TTC12: variants seen among roughly 807,000 people sequenced by gnomAD.
TTC12 encodes the protein tetratricopeptide repeat protein 12.
Under a neutral mutation model 90.1 loss-of-function variants are expected in TTC12, and 70 were observed. The ratio of observed to expected loss-of-function variants is 0.78; its 90% CI spans 0.64 to 0.95. The LOEUF (loss-of-function observed/expected upper bound fraction) is 0.95, where lower values mean the gene tolerates loss of function less well. TTC12 is among the 40% of genes least tolerant of loss of function. The pLI, the probability that TTC12 is intolerant of heterozygous loss-of-function variation, is 0.00. For synonymous variants in TTC12, 296 were observed against 311.5 expected (o/e 0.95, Z 0.53); for missense variants, 819 against 846.1 (o/e 0.97, Z 0.40).
At chr11:113,350,040 A>G in intron 13 of TTC12, 33 bp from the exon 14 acceptor site, 1 of 1,551,850 alleles carries the variant, frequency 6.4e-7, no homozygotes, top group Non-Finnish European at 8.9e-7. Flanking sequence ...GTTGGAGGAC[A>G]GCTACCTCTG....
In TTC12 at chr11:113,339,443, G is replaced by A. The variant is rs782759972; in HGVS notation, c.795G>A (p.Gly265=). 2.5e-6 allele frequency: 4 copies of A among 1,611,116 alleles called. No homozygotes were observed. The highest frequency in any genetic ancestry group is 2.5e-6 in the Non-Finnish European group (3 of 1,178,960). Residue 265 remains glycine, a synonymous_variant, in exon 10 of 22, where the codon GGG becomes GGA. Coordinates refer to ENST00000529221, the MANE Select transcript of TTC12 (RefSeq NM_017868.4). ...AGATCCCCTTGTTCTATGCTGGGGG[G>A]ATTGAGATCCTGACTGAAATGATAA... ...PDQIPLFYAG[G]IEILTEMINE...
intron 16 of TTC12, among the ~76,000 whole-genome samples, chr11:113,354,949 A>G (rs1949538143): frequency 6.6e-6 from 1 of 152,120 alleles, no homozygotes; most frequent in Non-Finnish European, 1.5e-5. Context: ...CAGGTTTGGG[A>G]ATCAGGATGA....
chr11:113,322,907 T>G (rs1174365467), intron 2 of TTC12, among the ~76,000 whole-genome samples: 2 of 152,166 alleles, frequency 1.3e-5, no homozygotes, highest in Non-Finnish European at 2.9e-5. Flanking sequence ...CTGCCTGTAC[T>G]TACATGTTTG....
intron 7 of TTC12, among the ~76,000 whole-genome samples, chr11:113,331,980 G>A (rs574839737): frequency 1.8e-4 from 28 of 152,314 alleles, no homozygotes; most frequent in African/African-American, 6.0e-4. Context: ...TAAAATTAAT[G>A]TATCAATAGT....
chr11:113,330,833 T>C (rs1181602715), intron 7 of TTC12, among the ~76,000 whole-genome samples: 1 of 152,212 alleles, frequency 6.6e-6, no homozygotes. Flanking sequence ...ATAAAACTTA[T>C]CTTTGTTTTG....
chr11:113,338,904 T>C, intron 9 of TTC12, 70 bp downstream of exon 9: 1 of 1,422,086 alleles, frequency 7.0e-7, no homozygotes, highest in African/African-American at 1.4e-5. Context: ...TAGAATGCCT[T>C]CCGTGCTTTC....
At chr11:113,354,371 T>G (rs1487673450) in intron 16 of TTC12, among the ~76,000 whole-genome samples, 1 of 152,194 alleles carries the variant, frequency 6.6e-6, no homozygotes, top group African/African-American at 2.4e-5. Flanking sequence ...GCCAAGACTG[T>G]GATTTTTTCT....
intron 13 of TTC12, among the ~76,000 whole-genome samples, chr11:113,346,004 G>C (rs531108539): frequency 5.9e-5 from 9 of 152,156 alleles, no homozygotes; most frequent in East Asian, 1.9e-4. Context: ...ATCTCCAGTT[G>C]AACCAGACAG....
rs750337820 is a variant in TTC12 at position 113,363,850 on chromosome 11, G to A, written c.1739G>A (p.Arg580His). The stretch of plus-strand genomic sequence containing the variant: ...TAGACAGGAGGTGAGACTGCATCAC[G>A]TTATGCTATAAAGATACTAGCTATC... ...FLKTGGETASRYAIKILAICT... is the reference protein window; with the variant it reads ...FLKTGGETASHYAIKILAICT... The change falls in exon 20 of 22, where the codon CGT becomes CAT. Residue 580 changes from arginine (R) to histidine (H), a missense_variant. Arg to His is a conservative substitution (Grantham distance 29). Transcript: ENST00000529221. The A allele has an allele frequency of 2.5e-6, 4 of 1,612,860 alleles. No individual in the cohort carries two copies. The highest frequency in any genetic ancestry group is 3.4e-6 in the Non-Finnish European group (4 of 1,179,006).
chr11:113,318,088 G>C (rs1470367719), intron 2 of TTC12, among the ~76,000 whole-genome samples: 1 of 152,198 alleles, frequency 6.6e-6, no homozygotes, highest in African/African-American at 2.4e-5. Context: ...TATAGATTCT[G>C]TACATTTACT....
At position 113,325,645 on chromosome 11, in the gene TTC12, G is replaced by C; in HGVS notation, c.444G>C (p.Gln148His). The change falls in exon 6 of 22, where the codon CAG becomes CAC. Residue 148 changes from glutamine (Q) to histidine (H), a missense_variant and splice_region_variant. Physicochemically the swap from Gln to His is conservative, Grantham distance 24 (BLOSUM62 0). Coordinates refer to ENST00000529221, the MANE Select transcript of TTC12 (RefSeq NM_017868.4). ...DMKVLYTNRA[Q>H]AYMKLEDYEK... ...AAGTGCTGTACACCAACCGAGCCCAGGTCAGTGAGGCAGGGATGTATCCAT... is the reference window on the plus strand; with the variant it reads ...AAGTGCTGTACACCAACCGAGCCCACGTCAGTGAGGCAGGGATGTATCCAT... 6.2e-7 allele frequency: 1 copy of C among 1,613,800 alleles called. No homozygotes were observed. Among genetic ancestry groups the C allele is most frequent in the Non-Finnish European group, 8.5e-7 (1 of 1,179,746 alleles).
In TTC12 at chr11:113,366,205, G is replaced by A. The variant is rs1422641752; in HGVS notation, c.2043-20G>A. ...AACCGTGGCACTTATGCCCTGGGTT[G>A]TTTGTTTTGATTGTGACAGATTTGC... On this transcript the variant is annotated intron_variant, in intron 21 of 21. Transcript: ENST00000529221. 3 of 1,611,536 alleles carry A rather than the reference G, an allele frequency of 1.9e-6. No homozygotes were observed. Among genetic ancestry groups the A allele is most frequent in the Non-Finnish European group, 2.5e-6 (3 of 1,180,002 alleles).
intron 7 of TTC12, among the ~76,000 whole-genome samples, chr11:113,330,229 T>C (rs1419411859): frequency 1.3e-5 from 2 of 152,242 alleles, no homozygotes; most frequent in East Asian, 3.9e-4. Context: ...TTCAGCTCCT[T>C]CTTTACTATT....
At chr11:113,350,035 A>T in intron 13 of TTC12, 38 bp from the exon 14 acceptor site, 2 of 1,524,202 alleles carry the variant, frequency 1.3e-6, no homozygotes, top group Non-Finnish European at 1.8e-6. Flanking sequence ...TGTTAGTTGG[A>T]GGACAGCTAC....
At position 113,325,480 on chromosome 11, in the gene TTC12, T is replaced by G. The variant is rs781840340; in HGVS notation, c.323-44T>G. 3.1e-6 allele frequency: 5 copies of G among 1,602,334 alleles called. No individual in the cohort carries two copies. The East Asian group carries it at 1.1e-4, about 36-fold the overall frequency. ...GGGGAATAAAGTCTGAGAGATTTTC[T>G]GATGTGTGGTGAGAGCTCACCTGTG... On this transcript the variant is annotated intron_variant, in intron 5 of 21. Coordinates refer to ENST00000529221, the MANE Select transcript of TTC12 (RefSeq NM_017868.4).
chr11:113,324,062 C>T (rs1555139935), intron 4 of TTC12, 47 bp downstream of exon 4: 1 of 1,513,934 alleles, frequency 6.6e-7, no homozygotes, highest in Non-Finnish European at 9.2e-7. Flanking sequence ...TATATAGGAC[C>T]AGTTTTGATT....
Position 113,363,854 on chromosome 11 carries a change from T to C in TTC12, c.1743T>C (p.Tyr581=), listed in dbSNP as rs75256547. 3 of 1,613,266 alleles carry C rather than the reference T, an allele frequency of 1.9e-6. No homozygotes were observed. Among genetic ancestry groups the C allele is most frequent in the East Asian group, 2.2e-5 (1 of 44,876 alleles). ...LKTGGETASR[Y]AIKILAICTN... is the part of the protein sequence containing the mutation. Reference sequence around the variant, plus strand: ...CAGGAGGTGAGACTGCATCACGTTATGCTATAAAGATACTAGCTATCTGCA... The same window carrying C: ...CAGGAGGTGAGACTGCATCACGTTACGCTATAAAGATACTAGCTATCTGCA... The change falls in exon 20 of 22, where the codon TAT becomes TAC. Residue 581 remains tyrosine (Y), a synonymous_variant. Coordinates refer to ENST00000529221, the MANE Select transcript of TTC12 (RefSeq NM_017868.4).
intron 8 of TTC12, 82 bp downstream of exon 8, chr11:113,335,119 C>T (rs111319463): frequency 0.012 from 12,419 of 1,011,240 alleles, 120 homozygotes; most frequent in Non-Finnish European, 0.015. Flanking sequence ...CCATGATTCT[C>T]CAAGCTGATT....
intron 18 of TTC12, among the ~76,000 whole-genome samples, chr11:113,360,557 A>T (rs188531399): frequency 6.6e-6 from 1 of 152,230 alleles, no homozygotes; most frequent in East Asian, 1.9e-4. Context: ...AGAAAGGCCT[A>T]TATGTTAGCA....
Sources: gnomAD v4.1 joint callset for allele counts (sites outside exome capture counted in the v4.1 genomes callset) on GRCh38, gnomAD v4.1.1 for gene constraint, MANE v1.5 for transcripts, NCBI Gene and HGNC (gene_info 2026-07-23, HGNC 2026-07-21) for gene names.